The following SPATA17 variants were observed in gnomAD, a reference collection of about 807,000 sequenced individuals.
The protein encoded by SPATA17 is spermatogenesis-associated protein 17.
In SPATA17, 53 loss-of-function variants were observed where a neutral mutation model predicts 62.2. The ratio of observed to expected loss-of-function variants is 0.85; its 90% CI spans 0.68 to 1.07. SPATA17 has a LOEUF of 1.07. Ranked by LOEUF, SPATA17 falls within the 50% of genes least tolerant of loss-of-function variation. SPATA17 has a pLI of 0.00. For synonymous variants in SPATA17, 146 were observed against 146.8 expected, an observed-to-expected ratio of 0.99 and a Z score of 0.04; for missense variants, 466 against 425.5, an observed-to-expected ratio of 1.10 and a Z score of -0.84.
At chr1:217,860,244 C>A (rs1174220682) in intron 9 of SPATA17, among the ~76,000 whole-genome samples, 1 of 152,106 alleles carries the variant, frequency 6.6e-6, no homozygotes, top group East Asian at 1.9e-4. Flanking sequence ...TAATTTAATT[C>A]CACTGTGGTC....
At chr1:217,662,997 A>G (rs1341620388) in intron 3 of SPATA17, among the ~76,000 whole-genome samples, 1 of 152,216 alleles carries the variant, frequency 6.6e-6, no homozygotes, top group African/African-American at 2.4e-5. Flanking sequence ...AGTTACTAAT[A>G]TTAATTTAAA....
intron 10 of SPATA17, among the ~76,000 whole-genome samples, chr1:217,863,616 GA>G (rs1326035790): frequency 1.3e-5 from 2 of 151,976 alleles, no homozygotes; most frequent in African/African-American, 2.4e-5. Context: ...ATGGAATATA[GA>G]ATCCTGATTA....
intron 9 of SPATA17, among the ~76,000 whole-genome samples, chr1:217,810,709 C>G (rs11586144): frequency 6.6e-6 from 1 of 151,888 alleles, no homozygotes; most frequent in African/African-American, 2.4e-5. Flanking sequence ...TCTGCATGGC[C>G]GGGGAAGCCT....
intron 4 of SPATA17, among the ~76,000 whole-genome samples, chr1:217,680,415 T>C (rs1671052770): frequency 6.6e-6 from 1 of 152,220 alleles, no homozygotes; most frequent in Non-Finnish European, 1.5e-5. Flanking sequence ...ATTCTTCTTT[T>C]TCATTAGGAA....
At chr1:217,668,026 A>G (rs1466245341) in intron 3 of SPATA17, among the ~76,000 whole-genome samples, 1 of 152,252 alleles carries the variant, frequency 6.6e-6, no homozygotes, top group Non-Finnish European at 1.5e-5. Flanking sequence ...AAACCCTTTT[A>G]TATGAATTTC....
chr1:217,698,692 T>C (rs1439922443), intron 5 of SPATA17, among the ~76,000 whole-genome samples: 1 of 152,214 alleles, frequency 6.6e-6, no homozygotes, highest in Non-Finnish European at 1.5e-5. Flanking sequence ...ATCAGTCTTA[T>C]TCGGGTTTTC....
At chr1:217,856,625 A>G (rs2103014428) in intron 9 of SPATA17, among the ~76,000 whole-genome samples, 1 of 152,332 alleles carries the variant, frequency 6.6e-6, no homozygotes, top group South Asian at 2.1e-4. Flanking sequence ...ACATGTACAC[A>G]TGGTTTGATT....
chr1:217,726,407 A>C (rs542877149), intron 5 of SPATA17, among the ~76,000 whole-genome samples: 1 of 152,292 alleles, frequency 6.6e-6, no homozygotes, highest in South Asian at 2.1e-4. Context: ...TCTGATCAAT[A>C]AAAAGGGAAA....
At chr1:217,699,192 C>A (rs1186308287) in intron 5 of SPATA17, among the ~76,000 whole-genome samples, 2 of 152,136 alleles carry the variant, frequency 1.3e-5, no homozygotes, top group African/African-American at 4.8e-5. Context: ...TATGTGAGCA[C>A]ACATTTCTAT....
At chr1:217,653,612 C>T (rs1048987759) in intron 3 of SPATA17, among the ~76,000 whole-genome samples, 3 of 139,690 alleles carry the variant, frequency 2.1e-5, no homozygotes, top group African/African-American at 3.3e-5. Flanking sequence ...GTTGTAGAAA[C>T]AATCGTTTTA....
chr1:217,728,456 CAG>C (rs1169288742), intron 5 of SPATA17, among the ~76,000 whole-genome samples: 1 of 152,070 alleles, frequency 6.6e-6, no homozygotes, highest in Non-Finnish European at 1.5e-5. Flanking sequence ...AAAATAAAAA[CAG>C]AGCTATTTCA....
At chr1:217,754,891 T>C (rs1673003349) in intron 6 of SPATA17, among the ~76,000 whole-genome samples, 1 of 152,080 alleles carries the variant, frequency 6.6e-6, no homozygotes, top group Non-Finnish European at 1.5e-5. Flanking sequence ...TACTCCCAAA[T>C]GTTTTCCTAA....
chr1:217,833,205 A>G (rs1675184899), intron 9 of SPATA17, among the ~76,000 whole-genome samples: 2 of 152,152 alleles, frequency 1.3e-5, no homozygotes, highest in Non-Finnish European at 2.9e-5. Context: ...CTCATTAGCA[A>G]AAAGTATATC....
chr1:217,772,666 G>A (rs1027154486), intron 6 of SPATA17, among the ~76,000 whole-genome samples: 23 of 152,108 alleles, frequency 1.5e-4, no homozygotes, highest in Admixed American at 1.0e-3. Context: ...GTTTTCACGG[G>A]CCTTTCTGAA....
At position 217,862,878 on chromosome 1, in the gene SPATA17, T is replaced by C. The variant is rs766998698; in HGVS notation, c.*2+22T>C. The C allele has an allele frequency of 2.7e-6, 4 of 1,500,454 alleles. No homozygotes were observed. The South Asian group carries it at 3.7e-5, about 14-fold the overall frequency. 92.9% of individuals were successfully genotyped at this position (1,500,454 alleles called of 1,614,324 possible). A position where few individuals can be genotyped will look rare whatever the true frequency, so the allele number is the denominator to read the frequency against. ...AAAGGTATGACTTTTTGCTAAGAAG[T>C]AATTCAAAAAGTATATTAAATAACA... is the stretch of plus-strand genomic sequence containing the variant. On this transcript the variant is annotated intron_variant, in intron 10 of 10. Coordinates refer to ENST00000366933, the MANE Select transcript of SPATA17 (RefSeq NM_138796.4).
In SPATA17 at chr1:217,862,786, GTAT is replaced by G. The variant is rs751853344; in HGVS notation, c.1021_1023del (p.Leu341del). The G allele has an allele frequency of 6.2e-7, 1 of 1,609,154 alleles. No individual in the cohort carries two copies. Among genetic ancestry groups the G allele is most frequent in the South Asian group, 1.1e-5 (1 of 90,292 alleles). On this transcript the variant is annotated inframe_deletion, in exon 10 of 11. Transcript: ENST00000366933. ...TTTTTCCTCCTAGGATTTCCAGACTGTATTACCATCATTTGAGCTCTTCTCAAA... is the reference window on the plus strand; with the variant it reads ...TTTTTCCTCCTAGGATTTCCAGACTGTACCATCATTTGAGCTCTTCTCAAA...
At chr1:217,708,880 A>G (rs983617455) in intron 5 of SPATA17, among the ~76,000 whole-genome samples, 1 of 152,204 alleles carries the variant, frequency 6.6e-6, no homozygotes, top group East Asian at 1.9e-4. Context: ...GGTTCAACAT[A>G]CAGAAATCAA....
chr1:217,833,825 A>C (rs1016259743), intron 9 of SPATA17, among the ~76,000 whole-genome samples: 5 of 152,186 alleles, frequency 3.3e-5, no homozygotes, highest in Non-Finnish European at 5.9e-5. Flanking sequence ...GCTATTGTTT[A>C]CTTGAATAAA....
intron 6 of SPATA17, among the ~76,000 whole-genome samples, chr1:217,757,289 A>C (rs1263866998): frequency 2.6e-5 from 4 of 152,232 alleles, no homozygotes; most frequent in African/African-American, 9.6e-5. Flanking sequence ...CCTCTATCTC[A>C]AAATTAGTAA....
Sources: gnomAD v4.1 joint callset for allele counts (sites outside exome capture counted in the v4.1 genomes callset) on GRCh38, gnomAD v4.1.1 for gene constraint, MANE v1.5 for transcripts, NCBI Gene and HGNC (gene_info 2026-07-23, HGNC 2026-07-21) for gene names.